Variants in ITPR2 observed in about 807,000 individuals in gnomAD.
ITPR2 encodes inositol 1,4,5-trisphosphate receptor type 2.
ITPR2 carries 207 observed loss-of-function variants against 317.1 expected under a neutral mutation model. That is an observed-to-expected ratio of 0.65 (90% CI 0.58 to 0.73). The LOEUF (loss-of-function observed/expected upper bound fraction) is 0.73, where lower values mean the gene tolerates loss of function less well. Among genes scored for constraint, ITPR2 ranks in the 30% least tolerant of loss-of-function variants. The pLI is 0.00. For missense variants in ITPR2, 2,613 were observed against 3,284.0 expected (o/e 0.80, Z 4.99); for synonymous variants, 1,156 against 1,149.1 (o/e 1.01, Z -0.12).
At chr12:26,606,471 T>C (rs1165480853) in intron 26 of ITPR2, among the ~76,000 whole-genome samples, 1 of 150,226 alleles carries the variant, frequency 6.7e-6, no homozygotes, top group Non-Finnish European at 1.5e-5. Flanking sequence ...AAGAATAGTC[T>C]AGAAATTGGG....
At chr12:26,735,895 C>G (rs1949111721) in intron 2 of ITPR2, among the ~76,000 whole-genome samples, 1 of 152,178 alleles carries the variant, frequency 6.6e-6, no homozygotes, top group Non-Finnish European at 1.5e-5. Flanking sequence ...GGAAGATGCC[C>G]TTTTAAAAAT....
At chr12:26,685,963 T>G (rs561611164) in intron 11 of ITPR2, among the ~76,000 whole-genome samples, 6 of 152,214 alleles carry the variant, frequency 3.9e-5, no homozygotes, top group Non-Finnish European at 7.3e-5. Context: ...TGACCTTATA[T>G]TAATATTTTA....
chr12:26,691,669 G>A lies in ITPR2; in HGVS notation c.996+3937C>T, dbSNP rs78888635. Reference sequence around the variant, plus strand: ...GCCGTCCTGGGGCCTGCAGGCATCCGCACAGCAGTCAGCCCCTAGAACACC... The same window carrying A: ...GCCGTCCTGGGGCCTGCAGGCATCCACACAGCAGTCAGCCCCTAGAACACC... On this transcript the variant is annotated intron_variant, in intron 10 of 56. Transcript: ENST00000381340. 5.1e-3 allele frequency among the ~76,000 whole-genome samples: 781 copies of A among 152,188 alleles called. 4 individuals carry two copies. The highest frequency in any genetic ancestry group is 8.8e-3 in the Non-Finnish European group (598 of 68,010).
At chr12:26,368,800 G>GA (rs1184383493) in intron 55 of ITPR2, among the ~76,000 whole-genome samples, 1 of 152,104 alleles carries the variant, frequency 6.6e-6, no homozygotes. Context: ...ATACAACAAT[G>GA]AAAAAAACAA....
chr12:26,589,937 T>G (rs886483529), intron 32 of ITPR2, among the ~76,000 whole-genome samples: 1 of 149,898 alleles, frequency 6.7e-6, no homozygotes, highest in Non-Finnish European at 1.5e-5. Context: ...GGTCATCTGC[T>G]GCCTGAAGTA....
At chr12:26,437,779 G>GT (rs1295637269) in intron 47 of ITPR2, among the ~76,000 whole-genome samples, 2 of 151,954 alleles carry the variant, frequency 1.3e-5, no homozygotes, top group Non-Finnish European at 2.9e-5. Context: ...GAAAATATAT[G>GT]TTTTTTTGTT....
chr12:26,725,864 A>G, intron 2 of ITPR2, 99 bp from the exon 3 acceptor site: 1 of 756,890 alleles, frequency 1.3e-6, no homozygotes, highest in Non-Finnish European at 2.3e-6. Flanking sequence ...ATCCCTGATT[A>G]TACAGAACAG....
At chr12:26,458,447 C>T (rs564346162) in intron 45 of ITPR2, among the ~76,000 whole-genome samples, 1 of 152,222 alleles carries the variant, frequency 6.6e-6, no homozygotes, top group African/African-American at 2.4e-5. Flanking sequence ...ATACCAGGGC[C>T]TTCCAGGGGA....
In ITPR2 at chr12:26,738,699, C is replaced by T. The variant is rs572956379; in HGVS notation, c.164-12934G>A. On this transcript the variant is annotated intron_variant, in intron 2 of 56. Transcript: ENST00000381340. ...CTCCTTCTCTTTCCCTAATTATTTT[C>T]TTCCTTTTACAGTCTCTTATTTCAC... Among the ~76,000 whole-genome samples, 10 of 152,052 alleles carry T rather than the reference C, an allele frequency of 6.6e-5. No individual in the cohort carries two copies. The East Asian group carries it at 1.7e-3, about 26-fold the overall frequency.
intron 9 of ITPR2, among the ~76,000 whole-genome samples, chr12:26,697,135 C>A (rs976173904): frequency 6.6e-6 from 1 of 152,198 alleles, no homozygotes; most frequent in African/African-American, 2.4e-5. Flanking sequence ...TCGATGTCTG[C>A]TCAAATCTGG....
intron 45 of ITPR2, among the ~76,000 whole-genome samples, chr12:26,456,924 G>A (rs1428837715): frequency 3.3e-5 from 5 of 152,146 alleles, no homozygotes; most frequent in Non-Finnish European, 4.4e-5. Context: ...TGCCTGCCTC[G>A]GCCTCCCAAA....
At chr12:26,494,769 C>CAAAAAA (rs1942894136) in intron 38 of ITPR2, among the ~76,000 whole-genome samples, 1 of 8,480 alleles carries the variant, frequency 1.2e-4, no homozygotes, top group African/African-American at 2.2e-4. Context: ...GACTCTGCCT[C>CAAAAAA]AGAAAAAAAA....
At chr12:26,684,358 G>T (rs1420395763) in intron 11 of ITPR2, among the ~76,000 whole-genome samples, 4 of 152,170 alleles carry the variant, frequency 2.6e-5, no homozygotes, top group Non-Finnish European at 5.9e-5. Context: ...GATTTCATTG[G>T]TCTCAGTGTG....
chr12:26,553,138 T>G (rs565490396), intron 36 of ITPR2, among the ~76,000 whole-genome samples: 189 of 152,348 alleles, frequency 1.2e-3, no homozygotes, highest in Non-Finnish European at 2.0e-3. Flanking sequence ...TTTTTTAAAT[T>G]AGCTGGTTGC....
intron 28 of ITPR2, among the ~76,000 whole-genome samples, chr12:26,601,136 CA>C (rs753187570): frequency 1.3e-5 from 2 of 152,166 alleles, no homozygotes; most frequent in Non-Finnish European, 2.9e-5. Flanking sequence ...CTTGTGACAA[CA>C]TCAGTGAAAC....
intron 7 of ITPR2, 151 bp from the exon 8 acceptor site, chr12:26,715,596 G>T (rs187926905): frequency 3.6e-6 from 3 of 823,786 alleles, no homozygotes; most frequent in Non-Finnish European, 5.6e-6. Context: ...TTAAAAATGT[G>T]GGGGGGAAAT....
chr12:26,681,828 AT>A (rs1565688709), intron 13 of ITPR2, 45 bp downstream of exon 13: 2 of 1,402,834 alleles, frequency 1.4e-6, no homozygotes. Context: ...TACTATAACA[AT>A]TGACAACTGA....
chr12:26,606,365 G>C (rs74987423), intron 26 of ITPR2, among the ~76,000 whole-genome samples: 10,980 of 152,156 alleles, frequency 0.072, 472 homozygotes, highest in Middle Eastern at 0.14. Context: ...ATAGAATATG[G>C]GAAACAGCTT....
At chr12:26,725,811 C>A in intron 2 of ITPR2, 46 bp from the exon 3 acceptor site, 1 of 1,255,852 alleles carries the variant, frequency 8.0e-7, no homozygotes. Context: ...AGGCTACTAG[C>A]ATTTCTTAGA....
Sources: gnomAD v4.1 joint callset for allele counts (sites outside exome capture counted in the v4.1 genomes callset) on GRCh38, gnomAD v4.1.1 for gene constraint, MANE v1.5 for transcripts, NCBI Gene and HGNC (gene_info 2026-07-23, HGNC 2026-07-21) for gene names.